TNFRSF21: variants seen among roughly 807,000 people sequenced by gnomAD.
TNFRSF21 encodes tumor necrosis factor receptor superfamily member 21.
Under a neutral mutation model 45.6 loss-of-function variants are expected in TNFRSF21, and 19 were observed. That is an observed-to-expected ratio of 0.42 (90% CI 0.29 to 0.61). The LOEUF (loss-of-function observed/expected upper bound fraction) is 0.61, where lower values mean the gene tolerates loss of function less well. Among genes scored for constraint, TNFRSF21 ranks in the 20% least tolerant of loss-of-function variants. The pLI, the probability that TNFRSF21 is intolerant of heterozygous loss-of-function variation, is 0.23. For synonymous variants in TNFRSF21, 314 were observed against 335.5 expected (o/e 0.94, Z 0.70); for missense variants, 737 against 851.5 (o/e 0.87, Z 1.67).
intron 3 of TNFRSF21, among the ~76,000 whole-genome samples, chr6:47,263,818 T>A (rs1762283993): frequency 6.6e-6 from 1 of 152,248 alleles, no homozygotes; most frequent in Non-Finnish European, 1.5e-5. Flanking sequence ...ATTATTTCCT[T>A]TCTCTACTTA....
At chr6:47,252,683 G>A (rs369541796) in intron 4 of TNFRSF21, among the ~76,000 whole-genome samples, 2 of 152,152 alleles carry the variant, frequency 1.3e-5, no homozygotes, top group African/African-American at 4.8e-5. Flanking sequence ...TGGCTCCAAA[G>A]CCAGGGCTTA....
In TNFRSF21 at chr6:47,309,482, G is replaced by A. The variant is rs1762986883; in HGVS notation, c.30C>T (p.Ala10=). MGTSPSSST[A]LASCSRIARR... is the part of the protein sequence containing the mutation. Reference sequence around the variant, plus strand: ...GGGCGATGCGGCTGCAGGAGGCGAGGGCGGTGCTGCTGCTCGGAGAGGTCC... The same window carrying A: ...GGGCGATGCGGCTGCAGGAGGCGAGAGCGGTGCTGCTGCTCGGAGAGGTCC... Residue 10 remains alanine, a synonymous_variant, in exon 1 of 6, where the codon GCC becomes GCT. Coordinates refer to ENST00000296861, the MANE Select transcript of TNFRSF21 (RefSeq NM_014452.5). 4 of 1,526,582 alleles carry A rather than the reference G, an allele frequency of 2.6e-6. No individual in the cohort carries two copies. The highest frequency in any genetic ancestry group is 1.4e-5 in the African/African-American group (1 of 69,926). The allele number at this position is 1,526,582 out of a possible 1,614,324, so 94.6% of individuals were successfully genotyped here. A position where few individuals can be genotyped will look rare whatever the true frequency, so the allele number is the denominator to read the frequency against.
intron 3 of TNFRSF21, among the ~76,000 whole-genome samples, chr6:47,266,779 G>C (rs190740006): frequency 6.6e-6 from 1 of 152,204 alleles, no homozygotes; most frequent in Non-Finnish European, 1.5e-5. Flanking sequence ...GATGAAAAGA[G>C]ACATTATAAA....
intron 4 of TNFRSF21, among the ~76,000 whole-genome samples, chr6:47,240,161 G>A (rs1764724493): frequency 6.6e-6 from 1 of 152,098 alleles, no homozygotes; most frequent in Admixed American, 6.5e-5. Flanking sequence ...AATATAACTA[G>A]ATATGCCTGA....
intron 3 of TNFRSF21, among the ~76,000 whole-genome samples, chr6:47,265,539 C>A (rs1762319718): frequency 6.6e-6 from 1 of 152,158 alleles, no homozygotes; most frequent in African/African-American, 2.4e-5. Context: ...TACTTCCTAG[C>A]TATGTGAACT....
At chr6:47,244,301 G>A (rs1415233504) in intron 4 of TNFRSF21, among the ~76,000 whole-genome samples, 1 of 138,914 alleles carries the variant, frequency 7.2e-6, no homozygotes. Context: ...GCCAGCCTGG[G>A]CGACACAGCA....
chr6:47,290,268 A>T (rs190397644), intron 1 of TNFRSF21, among the ~76,000 whole-genome samples: 1 of 152,250 alleles, frequency 6.6e-6, no homozygotes, highest in East Asian at 1.9e-4. Flanking sequence ...TATCACTCTG[A>T]TGTGCTGTGT....
chr6:47,233,372 TA>T (rs1764615438), intron 5 of TNFRSF21, among the ~76,000 whole-genome samples: 1 of 152,056 alleles, frequency 6.6e-6, no homozygotes, highest in Admixed American at 6.6e-5. Context: ...AACAAAAAAC[TA>T]AAAAACCTTT....
At chr6:47,301,162 A>G (rs139531291) in intron 1 of TNFRSF21, among the ~76,000 whole-genome samples, 2,013 of 152,354 alleles carry the variant, frequency 0.013, 21 homozygotes, top group Non-Finnish European at 0.017. Context: ...ATGTAATGCT[A>G]GCTCCAACTA....
At chr6:47,281,498 A>T (rs1044195144) in intron 3 of TNFRSF21, among the ~76,000 whole-genome samples, 1 of 151,754 alleles carries the variant, frequency 6.6e-6, no homozygotes, top group African/African-American at 2.4e-5. Flanking sequence ...CTCCTGCCCT[A>T]GCCTCCCGAA....
At position 47,234,757 on chromosome 6, in the gene TNFRSF21, C is replaced by T. The variant is rs1311810969; in HGVS notation, c.1651G>A (p.Val551Met). 3 of 1,609,314 alleles carry T rather than the reference C, an allele frequency of 1.9e-6. No homozygotes were observed. Among genetic ancestry groups the T allele is most frequent in the Non-Finnish European group, 2.5e-6 (3 of 1,178,268 alleles). ...CGGAGAAGGGGCTCCGACTCATCCA[C>T]GAAGAAGCCCTTGTTCTTGTCCTGT... is the stretch of plus-strand genomic sequence containing the variant. ...SPQDKNKGFF[V>M]DESEPLLRCD... The change falls in exon 5 of 6, where the codon GTG (valine) becomes ATG (methionine). Residue 551 changes from valine to methionine, a missense_variant. Physicochemically the swap from Val to Met is conservative, Grantham distance 21 (BLOSUM62 1). Coordinates refer to ENST00000296861, the MANE Select transcript of TNFRSF21 (RefSeq NM_014452.5).
intron 1 of TNFRSF21, among the ~76,000 whole-genome samples, chr6:47,309,016 C>G (rs1343463338): frequency 6.6e-6 from 1 of 152,146 alleles, no homozygotes; most frequent in Non-Finnish European, 1.5e-5. Flanking sequence ...GAGCCCCACA[C>G]CGCGGCGAGG....
intron 1 of TNFRSF21, among the ~76,000 whole-genome samples, chr6:47,287,012 A>C (rs565862147): frequency 1.6e-4 from 24 of 152,270 alleles, no homozygotes; most frequent in Admixed American, 1.2e-3. Context: ...CAAAATTTGC[A>C]ATTTGCAAAA....
At position 47,295,300 on chromosome 6, in the gene TNFRSF21, G is replaced by A. The variant is rs146900755; in HGVS notation, c.97-8705C>T. On this transcript the variant is annotated intron_variant, in intron 1 of 5. Transcript: ENST00000296861. ...TATTCCTTAACAATTCTTACTCCAT[G>A]ACCTCATCCTTCAAACAACGTATTT... 7.7e-3 allele frequency among the ~76,000 whole-genome samples: 1,165 copies of A among 152,282 alleles called. 18 individuals carry two copies. The highest frequency in any genetic ancestry group is 0.026 in the African/African-American group (1,093 of 41,548).
chr6:47,304,494 AC>A (rs1327156230), intron 1 of TNFRSF21, among the ~76,000 whole-genome samples: 1 of 152,146 alleles, frequency 6.6e-6, no homozygotes, highest in Non-Finnish European at 1.5e-5. Flanking sequence ...AAGGACAAAG[AC>A]CACCTGCCAG....
At chr6:47,267,288 C>T (rs1202821622) in intron 3 of TNFRSF21, among the ~76,000 whole-genome samples, 7 of 151,786 alleles carry the variant, frequency 4.6e-5, no homozygotes, top group Middle Eastern at 3.4e-3. Flanking sequence ...TTAGTAGAGA[C>T]GGGGTTTCAC....
chr6:47,234,938 A>G, intron 4 of TNFRSF21, 40 bp from the exon 5 acceptor site: 1 of 1,168,144 alleles, frequency 8.6e-7, no homozygotes, highest in South Asian at 2.6e-5. Flanking sequence ...ATATAGAAAA[A>G]AAAACAGTAA....
intron 3 of TNFRSF21, among the ~76,000 whole-genome samples, chr6:47,260,899 AT>A (rs1765065205): frequency 6.6e-6 from 1 of 152,224 alleles, no homozygotes; most frequent in Non-Finnish European, 1.5e-5. Flanking sequence ...GTCAGTTCTC[AT>A]TATTCTTCTA....
At chr6:47,280,091 C>T (rs528959400) in intron 3 of TNFRSF21, among the ~76,000 whole-genome samples, 2 of 152,106 alleles carry the variant, frequency 1.3e-5, no homozygotes, top group African/African-American at 4.8e-5. Context: ...GGTTTTTGTT[C>T]GCAAGAAAGA....
Sources: gnomAD v4.1 joint callset for allele counts (sites outside exome capture counted in the v4.1 genomes callset) on GRCh38, gnomAD v4.1.1 for gene constraint, MANE v1.5 for transcripts, NCBI Gene and HGNC (gene_info 2026-07-23, HGNC 2026-07-21) for gene names.